NEGR1: variants seen among roughly 807,000 people sequenced by gnomAD.
NEGR1 encodes neuronal growth regulator 1.
A neutral mutation model predicts 40.9 loss-of-function variants in NEGR1; 10 were observed. The ratio of observed to expected loss-of-function variants is 0.24; its 90% CI spans 0.15 to 0.42. NEGR1 has a LOEUF of 0.42. Ranked by LOEUF, NEGR1 falls within the 10% of genes least tolerant of loss-of-function variation. NEGR1 has a pLI of 1.00. For missense variants in NEGR1, 352 were observed against 438.9 expected, an observed-to-expected ratio of 0.80 and a Z score of 1.77; for synonymous variants, 185 against 166.8, an observed-to-expected ratio of 1.11 and a Z score of -0.84.
chr1:72,066,822 C>T (rs943281895), intron 1 of NEGR1, among the ~76,000 whole-genome samples: 4 of 152,032 alleles, frequency 2.6e-5, no homozygotes, highest in Admixed American at 6.6e-5. Context: ...TTTGTTATGG[C>T]GCTCCTATCA....
At chr1:71,453,697 G>A (rs916472808) in intron 6 of NEGR1, among the ~76,000 whole-genome samples, 1 of 152,122 alleles carries the variant, frequency 6.6e-6, no homozygotes, top group East Asian at 1.9e-4. Flanking sequence ...AAGTGCTATT[G>A]CCCTCGATGA....
chr1:71,659,826 C>CAGAT (rs1296754437), intron 4 of NEGR1, among the ~76,000 whole-genome samples: 4 of 152,114 alleles, frequency 2.6e-5, no homozygotes, highest in Admixed American at 1.3e-4. Context: ...TAAAAAATAA[C>CAGAT]AGATGCTGAT....
intron 4 of NEGR1, among the ~76,000 whole-genome samples, chr1:71,620,281 C>T (rs1216312209): frequency 1.3e-5 from 2 of 151,976 alleles, no homozygotes; most frequent in African/African-American, 4.8e-5. Flanking sequence ...ACAGAATCCA[C>T]ATGGTTTGAA....
At chr1:72,024,675 G>A (rs1434328501) in intron 1 of NEGR1, among the ~76,000 whole-genome samples, 1 of 152,080 alleles carries the variant, frequency 6.6e-6, no homozygotes, top group African/African-American at 2.4e-5. Flanking sequence ...GATACAAAAA[G>A]CCTTTTCCAG....
intron 6 of NEGR1, among the ~76,000 whole-genome samples, chr1:71,455,848 C>T (rs1646669025): frequency 6.6e-6 from 1 of 152,142 alleles, no homozygotes; most frequent in Non-Finnish European, 1.5e-5. Context: ...GTTTTCCTGT[C>T]TCCTTTCCAT....
intron 2 of NEGR1, among the ~76,000 whole-genome samples, chr1:71,881,935 T>TAC (rs774400355): frequency 6.6e-6 from 1 of 152,142 alleles, no homozygotes; most frequent in Non-Finnish European, 1.5e-5. Flanking sequence ...TTGACCTCTG[T>TAC]AATCTACATT....
intron 2 of NEGR1, among the ~76,000 whole-genome samples, chr1:71,866,381 T>C (rs1479600395): frequency 1.3e-5 from 2 of 152,196 alleles, no homozygotes; most frequent in Non-Finnish European, 2.9e-5. Context: ...CATTATAATG[T>C]CAGTAAGAAT....
chr1:72,240,564 C>A (rs1654699104), intron 1 of NEGR1, among the ~76,000 whole-genome samples: 1 of 151,744 alleles, frequency 6.6e-6, no homozygotes, highest in Non-Finnish European at 1.5e-5. Flanking sequence ...ACCCTAAAGA[C>A]AAAGCACAAT....
In NEGR1 at chr1:71,987,643, G is replaced by A. The variant is rs773460216; in HGVS notation, c.177-52332C>T. 5.3e-5 allele frequency among the ~76,000 whole-genome samples: 8 copies of A among 152,094 alleles called. No individual in the cohort carries two copies. The East Asian group carries it at 5.8e-4, about 11-fold the overall frequency. On this transcript the variant is annotated intron_variant, in intron 1 of 6. Transcript: ENST00000357731. ...ATATTGGAGAAGATATCACAGAAGC[G>A]CATTCCCCACAGCATTTCAGCTACC...
chr1:71,824,208 A>G (rs1288755855), intron 2 of NEGR1, among the ~76,000 whole-genome samples: 3 of 152,024 alleles, frequency 2.0e-5, no homozygotes, highest in Non-Finnish European at 4.4e-5. Context: ...TTGATGGTAG[A>G]TATTTGTTCA....
At chr1:72,128,549 T>C (rs982212713) in intron 1 of NEGR1, among the ~76,000 whole-genome samples, 4 of 152,156 alleles carry the variant, frequency 2.6e-5, no homozygotes, top group African/African-American at 9.7e-5. Flanking sequence ...GGTAGTTATA[T>C]AAAAATGACT....
intron 6 of NEGR1, among the ~76,000 whole-genome samples, chr1:71,535,710 G>C (rs1647490277): frequency 6.6e-6 from 1 of 151,692 alleles, no homozygotes; most frequent in Non-Finnish European, 1.5e-5. Flanking sequence ...TCAAAACAAA[G>C]AGATTTGGAA....
At chr1:71,911,876 C>T (rs1661428924) in intron 2 of NEGR1, among the ~76,000 whole-genome samples, 1 of 152,150 alleles carries the variant, frequency 6.6e-6, no homozygotes, top group Admixed American at 6.5e-5. Flanking sequence ...GCATAATTTG[C>T]TAACCTACAA....
intron 2 of NEGR1, among the ~76,000 whole-genome samples, chr1:71,808,097 A>C (rs1329965442): frequency 1.3e-5 from 2 of 152,184 alleles, no homozygotes; most frequent in Non-Finnish European, 2.9e-5. Flanking sequence ...GGCACATGAT[A>C]TCATACAACT....
intron 2 of NEGR1, among the ~76,000 whole-genome samples, chr1:71,844,058 C>T (rs1053091818): frequency 6.6e-6 from 1 of 152,122 alleles, no homozygotes; most frequent in Admixed American, 6.6e-5. Flanking sequence ...ATAAGTGTCA[C>T]ATCCAATTGC....
At chr1:71,966,761 T>C (rs1048217637) in intron 1 of NEGR1, among the ~76,000 whole-genome samples, 4 of 152,132 alleles carry the variant, frequency 2.6e-5, no homozygotes, top group Non-Finnish European at 5.9e-5. Context: ...TTCCTGCAGG[T>C]GATGACAGCC....
rs78868355 is a variant in NEGR1, at chr1:72,062,677, G to C, written c.177-127366C>G. ...TCTGTGCATGGTTTAGTAGCCTCTT[G>C]CTTGCATATAGCTTTCTAATCTAAG... On this transcript the variant is annotated intron_variant, in intron 1 of 6. Transcript: ENST00000357731. Among the ~76,000 whole-genome samples the C allele has an allele frequency of 6.5e-3, 989 of 151,998 alleles. 12 individuals are homozygous for C. The highest frequency in any genetic ancestry group is 0.022 in the African/African-American group (931 of 41,490).
chr1:72,131,564 A>G (rs1004496379), intron 1 of NEGR1, among the ~76,000 whole-genome samples: 3 of 152,214 alleles, frequency 2.0e-5, no homozygotes, highest in Non-Finnish European at 4.4e-5. Flanking sequence ...AACTAGCACA[A>G]CATTTTTAGG....
At chr1:71,762,535 G>A (rs142820760) in intron 3 of NEGR1, among the ~76,000 whole-genome samples, 2,648 of 152,118 alleles carry the variant, frequency 0.017, 40 homozygotes, top group Non-Finnish European at 0.025. Context: ...AAAACTGAAA[G>A]CAATCAAAAT....
Sources: allele counts gnomAD v4.1 joint callset (sites outside exome capture counted in the v4.1 genomes callset), GRCh38; gene constraint gnomAD v4.1.1; transcripts MANE v1.5; gene names NCBI Gene and HGNC (gene_info 2026-07-23, HGNC 2026-07-21).